GABRG3: variants seen among roughly 807,000 people sequenced by gnomAD.
GABRG3 encodes the protein gamma-aminobutyric acid receptor subunit gamma-3.
Under a neutral mutation model 48.8 loss-of-function variants are expected in GABRG3, and 25 were observed. The observed-to-expected ratio is 0.51, with a 90% CI of 0.37 to 0.72. The LOEUF is 0.72. Among genes scored for constraint, GABRG3 ranks in the 30% least tolerant of loss-of-function variants. GABRG3 has a pLI of 0.00. For missense variants in GABRG3, 394 were observed against 577.9 expected, an observed-to-expected ratio of 0.68 and a Z score of 3.26; for synonymous variants, 227 against 217.6, an observed-to-expected ratio of 1.04 and a Z score of -0.38.
intron 3 of GABRG3, among the ~76,000 whole-genome samples, chr15:27,297,184 C>G (rs2140490333): frequency 6.6e-6 from 1 of 152,022 alleles, no homozygotes; most frequent in East Asian, 1.9e-4. Context: ...GCATTTTAAG[C>G]TAGATATAAC....
intron 6 of GABRG3, among the ~76,000 whole-genome samples, chr15:27,498,970 T>C (rs1890553586): frequency 6.6e-6 from 1 of 152,214 alleles, no homozygotes; most frequent in African/African-American, 2.4e-5. Context: ...TTTTCTGTGA[T>C]GTGGCTGCGC....
chr15:26,992,302 T>C (rs1425299860), intron 2 of GABRG3, among the ~76,000 whole-genome samples: 1 of 152,234 alleles, frequency 6.6e-6, no homozygotes, highest in East Asian at 1.9e-4. Flanking sequence ...ATCCTTGTCA[T>C]GTTCCAGATC....
chr15:27,476,591 C>A (rs1889946340), intron 5 of GABRG3, among the ~76,000 whole-genome samples: 1 of 151,786 alleles, frequency 6.6e-6, no homozygotes, highest in Non-Finnish European at 1.5e-5. Flanking sequence ...AAAGAATCAG[C>A]AAACTTGAAC....
chr15:27,090,018 A>C, intron 3 of GABRG3, among the ~76,000 whole-genome samples: 1 of 152,178 alleles, frequency 6.6e-6, no homozygotes, highest in Non-Finnish European at 1.5e-5. Context: ...TCGGTGTACA[A>C]GTTTTTGTTT....
chr15:27,137,430 G>A (rs999945807), intron 3 of GABRG3, among the ~76,000 whole-genome samples: 1 of 152,172 alleles, frequency 6.6e-6, no homozygotes, highest in Non-Finnish European at 1.5e-5. Flanking sequence ...AGAAGCAGTT[G>A]ATGAAAAAGT....
At chr15:27,060,547 T>C (rs549888688) in intron 3 of GABRG3, among the ~76,000 whole-genome samples, 31 of 152,322 alleles carry the variant, frequency 2.0e-4, no homozygotes, top group Admixed American at 2.0e-3. Context: ...CATGCTTTCG[T>C]GAGTCCGTGC....
At chr15:27,132,463 T>C (rs1390959827) in intron 3 of GABRG3, among the ~76,000 whole-genome samples, 2 of 141,196 alleles carry the variant, frequency 1.4e-5, no homozygotes, top group African/African-American at 2.6e-5. Flanking sequence ...ATCTTCCCAG[T>C]AGTTACAGTT....
At chr15:27,116,157 A>T (rs530995817) in intron 3 of GABRG3, among the ~76,000 whole-genome samples, 150 of 152,330 alleles carry the variant, frequency 9.8e-4, no homozygotes, top group Non-Finnish European at 1.7e-3. Context: ...AGAGAATGTC[A>T]TCAGATATCA....
chr15:27,111,796 G>T (rs1343632770), intron 3 of GABRG3, among the ~76,000 whole-genome samples: 1 of 152,136 alleles, frequency 6.6e-6, no homozygotes, highest in Non-Finnish European at 1.5e-5. Flanking sequence ...TCTCAGGGCT[G>T]TGAGCTTCCT....
chr15:27,431,506 T>C (rs1888452424), intron 5 of GABRG3, among the ~76,000 whole-genome samples: 1 of 152,172 alleles, frequency 6.6e-6, no homozygotes, highest in Non-Finnish European at 1.5e-5. Flanking sequence ...CATATGCATG[T>C]CTCTTATTTC....
rs147016657 is a variant in GABRG3, at chr15:27,355,318, G to A, written c.574+26430G>A. On this transcript the variant is annotated intron_variant, in intron 5 of 9. Transcript: ENST00000615808. ...ATAAGGTAATTAAAAATGGGCAAAG[G>A]GTTTGAATAGACATTTCTCCAAAGA... Among the ~76,000 whole-genome samples the A allele has an allele frequency of 8.5e-5, 13 of 152,090 alleles. No individual in the cohort carries two copies. The East Asian group carries it at 1.5e-3, about 18-fold the overall frequency.
chr15:27,420,350 T>C (rs11855887), intron 5 of GABRG3, among the ~76,000 whole-genome samples: 16,359 of 152,238 alleles, frequency 0.11, 1,253 homozygotes, highest in East Asian at 0.32. Flanking sequence ...AAATACTGTA[T>C]GATCTCATTT....
intron 5 of GABRG3, among the ~76,000 whole-genome samples, chr15:27,439,000 G>A (rs923702271): frequency 2.0e-5 from 3 of 152,160 alleles, no homozygotes; most frequent in Non-Finnish European, 2.9e-5. Flanking sequence ...CACAGCATTC[G>A]GTGGAGAAAG....
intron 5 of GABRG3, among the ~76,000 whole-genome samples, chr15:27,376,619 A>G (rs1895605341): frequency 6.6e-6 from 1 of 152,192 alleles, no homozygotes; most frequent in Admixed American, 6.5e-5. Flanking sequence ...CACCCTCTGA[A>G]GCCATGGCCC....
chr15:27,043,889 A>C (rs1262101235), intron 3 of GABRG3, among the ~76,000 whole-genome samples: 1 of 152,200 alleles, frequency 6.6e-6, no homozygotes, highest in African/African-American at 2.4e-5. Flanking sequence ...TGGGCCCAGA[A>C]GAAGCTGCTT....
At chr15:27,267,023 C>T (rs1460096585) in intron 3 of GABRG3, among the ~76,000 whole-genome samples, 1 of 150,634 alleles carries the variant, frequency 6.6e-6, no homozygotes, top group African/African-American at 2.4e-5. Flanking sequence ...CTAGAACCTT[C>T]AATATAAAAG....
chr15:27,175,858 C>T (rs1264029368), intron 3 of GABRG3, among the ~76,000 whole-genome samples: 1 of 152,106 alleles, frequency 6.6e-6, no homozygotes, highest in African/African-American at 2.4e-5. Flanking sequence ...GGAAAAGAGA[C>T]ATTGTTCCTT....
At chr15:27,036,254 G>A (rs547099667) in intron 3 of GABRG3, among the ~76,000 whole-genome samples, 1 of 152,206 alleles carries the variant, frequency 6.6e-6, no homozygotes, top group Non-Finnish European at 1.5e-5. Context: ...GGGCAGGAGA[G>A]GGGAGGAAGC....
At chr15:27,234,002 C>T (rs1344738305) in intron 3 of GABRG3, among the ~76,000 whole-genome samples, 1 of 152,170 alleles carries the variant, frequency 6.6e-6, no homozygotes, top group African/African-American at 2.4e-5. Flanking sequence ...CTAATTCAGA[C>T]AATCACCTAT....
Sources: allele counts gnomAD v4.1 joint callset (sites outside exome capture counted in the v4.1 genomes callset), GRCh38; gene constraint gnomAD v4.1.1; transcripts MANE v1.5; gene names NCBI Gene and HGNC (gene_info 2026-07-23, HGNC 2026-07-21).